The following KCNN1 variants were observed in gnomAD, a reference collection of about 807,000 sequenced individuals.
The protein encoded by KCNN1 is potassium calcium-activated channel subfamily N member 1, also known as small conductance calcium-activated potassium channel protein 1.
KCNN1 carries 20 observed loss-of-function variants against 44.7 expected under a neutral mutation model. That is an observed-to-expected ratio of 0.45 (90% CI 0.32 to 0.65). The LOEUF is 0.65. Ranked by LOEUF, KCNN1 falls within the 30% of genes least tolerant of loss-of-function variation. KCNN1 has a pLI of 0.05. For synonymous variants in KCNN1, 324 were observed against 341.7 expected, an observed-to-expected ratio of 0.95 and a Z score of 0.57; for missense variants, 632 against 785.3, an observed-to-expected ratio of 0.80 and a Z score of 2.33.
At chr19:17,978,126 G>GTTTTTTTT (rs761452750) in intron 3 of KCNN1, among the ~76,000 whole-genome samples, 1 of 130,962 alleles carries the variant, frequency 7.6e-6, no homozygotes. Flanking sequence ...ATGTATACTT[G>GTTTTTTTT]TTTTTTTTTT....
In KCNN1 at chr19:17,993,672, G is replaced by T; in HGVS notation, c.1377+113G>T. 3 of 814,092 alleles carry T rather than the reference G, an allele frequency of 3.7e-6. No individual in the cohort carries two copies. Among genetic ancestry groups the T allele is most frequent in the Admixed American group, 2.0e-5 (1 of 50,262 alleles). The allele number at this position is 814,092 out of a possible 1,614,324, so 50.4% of individuals were successfully genotyped here. A position where few individuals can be genotyped will look rare whatever the true frequency, so the allele number is the denominator to read the frequency against. Reference sequence around the variant, plus strand: ...CACAAGGACCCGCTGTGGGCTGAGTGCAGTGGCGGGCGGATCGCTTGAGCT... The same window carrying T: ...CACAAGGACCCGCTGTGGGCTGAGTTCAGTGGCGGGCGGATCGCTTGAGCT... On this transcript the variant is annotated intron_variant, in intron 9 of 9. Coordinates refer to ENST00000684775, the MANE Select transcript of KCNN1 (RefSeq NM_001386974.1). This position sits in a 1 kb window ranked among gnomAD's most constrained non-coding sequence, Gnocchi z 4.5.
In KCNN1 at chr19:17,981,964, T is replaced by C; in HGVS notation, c.754T>C (p.Phe252Leu). 6.2e-7 allele frequency: 1 copy of C among 1,610,116 alleles called. No individual in the cohort carries two copies. The highest frequency in any genetic ancestry group is 8.5e-7 in the Non-Finnish European group (1 of 1,178,528). Residue 252 changes from phenylalanine to leucine, a missense_variant, in exon 4 of 10, where the codon TTC (phenylalanine) becomes CTC (leucine). Phe to Leu is a conservative substitution (Grantham distance 22). Transcript: ENST00000684775. ...GRVMLLHSKI[F>L]TDASSRSIGA... ...GGTGATGCTACTGCACAGCAAAATC[T>C]TCACGGACGCCTCGAGCCGCAGCAT...
intron 5 of KCNN1, among the ~76,000 whole-genome samples, chr19:17,987,927 G>C (rs2032655584): frequency 6.6e-6 from 1 of 150,662 alleles, no homozygotes; most frequent in Middle Eastern, 3.5e-3. Flanking sequence ...TGGATCACCT[G>C]TCAGGAGTTC....
chr19:17,998,247 G>C lies in KCNN1; in HGVS notation c.1473G>C (p.Ala491=), dbSNP rs368248859. 2 of 1,569,436 alleles carry C rather than the reference G, an allele frequency of 1.3e-6. No homozygotes were observed. Among genetic ancestry groups the C allele is most frequent in the South Asian group, 2.3e-5 (2 of 85,960 alleles). Residue 491 remains alanine (A), a synonymous_variant, in exon 10 of 10, where the codon GCG becomes GCC. Coordinates refer to ENST00000684775, the MANE Select transcript of KCNN1 (RefSeq NM_001386974.1). The surrounding 1 kb of genome is among the most constrained non-coding windows in gnomAD (Gnocchi z 5.4). ...CCACCCTGGAAAGCCGCTTGGATGC[G>C]CTGGGTGCCTCTCTACAGGCCCTGC... ...RLATLESRLD[A]LGASLQALPG... is the part of the protein sequence containing the mutation.
In KCNN1 at chr19:17,988,534, C is replaced by T. The variant is rs374721842; in HGVS notation, c.1170+9C>T. 2.4e-5 allele frequency: 38 copies of T among 1,603,782 alleles called. No individual in the cohort carries two copies. The Middle Eastern group carries it at 6.6e-4, about 28-fold the overall frequency. On this transcript the variant is annotated intron_variant, in intron 6 of 9. Coordinates refer to ENST00000684775, the MANE Select transcript of KCNN1 (RefSeq NM_001386974.1). Reference sequence around the variant, plus strand: ...CTCAGCTCACCAAGCGGGTGAGGACCGCGGTTCCCATGGAGGCCGCCTCCT... The same window carrying T: ...CTCAGCTCACCAAGCGGGTGAGGACTGCGGTTCCCATGGAGGCCGCCTCCT...
At chr19:17,955,076 C>A (rs2031508926) in intron 2 of KCNN1, among the ~76,000 whole-genome samples, 1 of 149,680 alleles carries the variant, frequency 6.7e-6, no homozygotes, top group Non-Finnish European at 1.5e-5. Context: ...GAAAAAGTGC[C>A]AGCTTTTGAA....
In KCNN1 at chr19:17,975,954, C is replaced by T. The variant is rs372313220; in HGVS notation, c.498+767C>T. Among the ~76,000 whole-genome samples, 15 of 152,256 alleles carry T rather than the reference C, an allele frequency of 9.9e-5. No individual in the cohort carries two copies. The East Asian group carries it at 2.7e-3, about 27-fold the overall frequency. On this transcript the variant is annotated intron_variant, in intron 3 of 9. Transcript: ENST00000684775. ...TCGTGGGCTCAAGTGATCGGCCCAC[C>T]TCACCCTCCCAAAGTGTTGGGACTT...
chr19:17,970,288 G>T (rs1331575676), intron 1 of KCNN1, among the ~76,000 whole-genome samples: 1 of 95,880 alleles, frequency 1.0e-5, no homozygotes, highest in African/African-American at 3.7e-5. Context: ...TAGAAGGAAT[G>T]ATTTTTTTTT....
rs1026864004 is a variant in KCNN1 at position 17,989,943 on chromosome 19, C to CGGGTG, written c.1298+102_1298+106dup. On this transcript the variant is annotated intron_variant, in intron 7 of 9. Transcript: ENST00000684775. The stretch of plus-strand genomic sequence containing the variant: ...CCTCTTCACGGCTCCCTGCCAGGGA[C>CGGGTG]GGGTGGTCAGTTGGTTGGGGCCTGC... 4 of 1,569,608 alleles carry CGGGTG rather than the reference C, an allele frequency of 2.5e-6. No individual in the cohort carries two copies. The African/African-American group carries it at 5.4e-5, about 21-fold the overall frequency.
chr19:17,982,375 C>G (rs890170248), intron 4 of KCNN1, among the ~76,000 whole-genome samples: 2 of 152,058 alleles, frequency 1.3e-5, no homozygotes, highest in African/African-American at 4.8e-5. Context: ...CTCCCTCTCC[C>G]TCATCCTCCC....
upstream of KCNN1, among the ~76,000 whole-genome samples, chr19:17,962,943 C>T (rs540932045): frequency 6.0e-5 from 9 of 150,802 alleles, no homozygotes; most frequent in Non-Finnish European, 8.8e-5. Context: ...CCTCATGATC[C>T]GCCTGTCTTG....
At chr19:17,966,019 GCCTGCCTTCCTTCCTT>G (rs140044907), upstream of KCNN1, among the ~76,000 whole-genome samples, 12,641 of 130,174 alleles carry the variant, frequency 0.097, 581 homozygotes, top group Middle Eastern at 0.11. Context: ...CTGCCTGCCT[GCCTGCCTTCCTTCCTT>G]CCTTCCTTCC....
intron 9 of KCNN1, among the ~76,000 whole-genome samples, chr19:17,995,047 G>T (rs2145977330): frequency 6.6e-6 from 1 of 152,254 alleles, no homozygotes; most frequent in Non-Finnish European, 1.5e-5. Context: ...TTTAGAAAAT[G>T]TTAAGTCCCA....
intron 1 of KCNN1, among the ~76,000 whole-genome samples, chr19:17,954,244 G>T (rs1239835930): frequency 6.6e-6 from 1 of 152,072 alleles, no homozygotes; most frequent in African/African-American, 2.4e-5. Flanking sequence ...ATCACCTCTG[G>T]CCAGGAGTTC....
At chr19:17,990,100 C>T (rs1300842419) in intron 7 of KCNN1, 1 of 647,804 alleles carries the variant, frequency 1.5e-6, no homozygotes, top group Non-Finnish European at 2.8e-6. Flanking sequence ...TAATTCTTAC[C>T]CTTTAGACTT....
intron 1 of KCNN1, among the ~76,000 whole-genome samples, chr19:17,970,289 ATTTTTTTTTTTTTTTTTTTTT>A (rs71164333): frequency 7.4e-4 from 42 of 56,924 alleles, no homozygotes; most frequent in Admixed American, 1.4e-3. Context: ...AGAAGGAATG[ATTTTTTTTTTTTTTTTTTTTT>A]TTTTTTTTTT....
At chr19:17,955,320 G>T (rs908172928) in intron 2 of KCNN1, among the ~76,000 whole-genome samples, 2 of 151,192 alleles carry the variant, frequency 1.3e-5, no homozygotes, top group African/African-American at 2.4e-5. Context: ...CAGCACTTTG[G>T]GAGGCCAAGG....
chr19:17,962,348 G>A (rs897262364), upstream of KCNN1, among the ~76,000 whole-genome samples: 11 of 152,158 alleles, frequency 7.2e-5, no homozygotes, highest in Admixed American at 2.6e-4. Flanking sequence ...GGGGAGAACC[G>A]GGAAGGATCA....
chr19:17,953,369 GCTGGAACAGGTGGCCC>G (rs1282331315), intron 1 of KCNN1, among the ~76,000 whole-genome samples: 1 of 152,232 alleles, frequency 6.6e-6, no homozygotes, highest in Non-Finnish European at 1.5e-5. Context: ...AGTCCCCCTG[GCTGGAACAGGTGGCCC>G]CTGAGCCATC....
Sources: allele counts gnomAD v4.1 joint callset (sites outside exome capture counted in the v4.1 genomes callset), GRCh38; gene constraint gnomAD v4.1.1; non-coding constraint Gnocchi (gnomAD v3.1); transcripts MANE v1.5; gene names NCBI Gene and HGNC (gene_info 2026-07-23, HGNC 2026-07-21).